Variants in ALMS1 observed in about 807,000 individuals in gnomAD.
ALMS1 encodes centrosome-associated protein ALMS1.
A neutral mutation model predicts 352.2 loss-of-function variants in ALMS1; 271 were observed. The observed-to-expected ratio is 0.77, with a 90% CI of 0.70 to 0.85. The LOEUF (loss-of-function observed/expected upper bound fraction) is 0.85, where lower values mean the gene tolerates loss of function less well. Ranked by LOEUF, ALMS1 falls within the 40% of genes least tolerant of loss-of-function variation. ALMS1 has a pLI of 0.00. For missense variants in ALMS1, 5,445 were observed against 4,870.7 expected (o/e 1.12, Z -3.51); for synonymous variants, 1,865 against 1,761.2 (o/e 1.06, Z -1.48).
chr2:73,418,796 C>T (rs1223932823), intron 2 of ALMS1, among the ~76,000 whole-genome samples: 1 of 152,188 alleles, frequency 6.6e-6, no homozygotes, highest in Non-Finnish European at 1.5e-5. Flanking sequence ...CAAACTTCTA[C>T]TTTTGTCAGT....
At chr2:73,546,954 G>T (rs1674335280) in intron 12 of ALMS1, among the ~76,000 whole-genome samples, 1 of 152,104 alleles carries the variant, frequency 6.6e-6, no homozygotes, top group Admixed American at 6.6e-5. Context: ...CCAGGAACAA[G>T]GAAACACAAT....
chr2:73,487,850 C>T (rs901074493), intron 9 of ALMS1, among the ~76,000 whole-genome samples: 1 of 152,010 alleles, frequency 6.6e-6, no homozygotes, highest in Non-Finnish European at 1.5e-5. Flanking sequence ...GAGTGGGTAG[C>T]TCCTACCTGC....
chr2:73,460,151 C>G (rs1356932987), intron 9 of ALMS1, among the ~76,000 whole-genome samples: 1 of 152,112 alleles, frequency 6.6e-6, no homozygotes, highest in Non-Finnish European at 1.5e-5. Flanking sequence ...ATGTTTCTCC[C>G]TCAGCCCCAC....
chr2:73,394,992 A>ATATATATATATGTG (rs1553397358), intron 1 of ALMS1, among the ~76,000 whole-genome samples: 5 of 122,036 alleles, frequency 4.1e-5, no homozygotes, highest in African/African-American at 1.8e-4. Context: ...ATATATGTGT[A>ATATATATATATGTG]TATATATATG....
At chr2:73,518,088 T>C (rs1673597617) in intron 10 of ALMS1, among the ~76,000 whole-genome samples, 1 of 134,408 alleles carries the variant, frequency 7.4e-6, no homozygotes, top group African/African-American at 3.1e-5. Context: ...TACCCAGTAG[T>C]TTTTTTTTTT....
At chr2:73,399,233 T>C (rs553539175) in intron 1 of ALMS1, among the ~76,000 whole-genome samples, 2 of 152,282 alleles carry the variant, frequency 1.3e-5, no homozygotes, top group Admixed American at 6.5e-5. Context: ...ACCTTTTATT[T>C]CCTTTTCTTG....
intron 10 of ALMS1, among the ~76,000 whole-genome samples, chr2:73,492,750 A>T (rs557761416): frequency 6.6e-6 from 1 of 152,024 alleles, no homozygotes; most frequent in Non-Finnish European, 1.5e-5. Context: ...TACCTTTAAA[A>T]TTTTTTTCTT....
At chr2:73,533,180 G>C (rs886386009) in intron 11 of ALMS1, among the ~76,000 whole-genome samples, 4 of 152,220 alleles carry the variant, frequency 2.6e-5, no homozygotes, top group African/African-American at 4.8e-5. Flanking sequence ...TGCTGTCTAG[G>C]TTTGGGTATG....
chr2:73,534,773 T>C, intron 11 of ALMS1, 51 bp from the exon 12 acceptor site: 1 of 1,592,398 alleles, frequency 6.3e-7, no homozygotes, highest in Non-Finnish European at 8.6e-7. Flanking sequence ...ATTTGTTCAA[T>C]GAATTAACAA....
chr2:73,541,928 G>C lies in ALMS1; in HGVS notation c.9907+6979G>C, dbSNP rs772518331. Reference sequence around the variant, plus strand: ...GACCAGATGGATTCACAGCCGAATTGTACCAGAGGTACAAGGAGGAGCTGG... The same window carrying C: ...GACCAGATGGATTCACAGCCGAATTCTACCAGAGGTACAAGGAGGAGCTGG... On this transcript the variant is annotated intron_variant, in intron 12 of 22. Coordinates refer to ENST00000613296, the MANE Select transcript of ALMS1 (RefSeq NM_001378454.1). Among the ~76,000 whole-genome samples the C allele has an allele frequency of 5.3e-5, 8 of 152,222 alleles. No homozygotes were observed. The Middle Eastern group carries it at 0.014, about 259-fold the overall frequency.
intron 9 of ALMS1, among the ~76,000 whole-genome samples, chr2:73,465,626 A>G (rs935092265): frequency 1.3e-5 from 2 of 152,160 alleles, no homozygotes; most frequent in African/African-American, 4.8e-5. Flanking sequence ...ACAAAAGCCA[A>G]AATTGACAAA....
intron 20 of ALMS1, 126 bp downstream of exon 20, chr2:73,602,494 C>T: frequency 8.6e-7 from 1 of 1,163,788 alleles, no homozygotes; most frequent in Non-Finnish European, 1.3e-6. Flanking sequence ...CTTTTGCTTG[C>T]CAAGACTCAA....
intron 9 of ALMS1, chr2:73,457,009 C>A (rs941859985): frequency 3.3e-5 from 5 of 152,148 alleles, no homozygotes; most frequent in African/African-American, 1.2e-4. Context: ...CACAATTTCA[C>A]TTCTGATCTG....
chr2:73,394,752 T>TTGTGCAAACATCATATAGTGTACG (rs1251288277), intron 1 of ALMS1, among the ~76,000 whole-genome samples: 1 of 152,172 alleles, frequency 6.6e-6, no homozygotes, highest in East Asian at 1.9e-4. Context: ...TATTTCATTG[T>TTGTGCAAACATCATATAGTGTACG]TGTGCAAACA....
At chr2:73,388,819 G>A (rs13383032) in intron 1 of ALMS1, among the ~76,000 whole-genome samples, 263 of 151,762 alleles carry the variant, frequency 1.7e-3, no homozygotes, top group African/African-American at 5.7e-3. Context: ...TTTTAATGGC[G>A]TCTAGCTGGT....
Position 73,451,143 on chromosome 2 carries a change from T to C in ALMS1, c.4616T>C (p.Leu1539Pro), listed in dbSNP as rs368273962. 18 of 1,612,414 alleles carry C rather than the reference T, an allele frequency of 1.1e-5. No homozygotes were observed. The highest frequency in any genetic ancestry group is 1.4e-5 in the Non-Finnish European group (16 of 1,179,562). ...GGCAGTTTCTACCAACTGGCATTGC[T>C]AGGTAGTCAAATACCTGAAGAGGCT... Reference protein sequence around the residue: ...KSGSFYQLALLGSQIPEEALR... With the variant: ...KSGSFYQLALPGSQIPEEALR... The change falls in exon 8 of 23, where the codon CTA becomes CCA. Residue 1539 changes from leucine (L) to proline (P), a missense_variant. By Grantham distance (98) the Leu-to-Pro change is moderately conservative. Coordinates refer to ENST00000613296, the MANE Select transcript of ALMS1 (RefSeq NM_001378454.1).
rs573748379 is a variant in ALMS1, at chr2:73,559,112, A to G, written c.10354A>G (p.Asn3452Asp). 20 of 1,613,958 alleles carry G rather than the reference A, an allele frequency of 1.2e-5. No individual in the cohort carries two copies. In the African/African-American group the frequency reaches 2.1e-4, roughly 17 times the overall value. ...AGTTCCCGAGGAAGCCTGGCCAAAC[A>G]ATAAAGAATCCCTACAGATCAATAT... ...KTVPEEAWPNNKESLQINIEE... is the reference protein window; with the variant it reads ...KTVPEEAWPNDKESLQINIEE... Residue 3452 changes from asparagine (N) to aspartate (D), a missense_variant, in exon 15 of 23, where the codon AAT (asparagine) becomes GAT (aspartate). Coordinates refer to ENST00000613296, the MANE Select transcript of ALMS1 (RefSeq NM_001378454.1).
rs531670043 is a variant in ALMS1 at position 73,565,913 on chromosome 2, T to C, written c.10385-6349T>C. Reference sequence around the variant, plus strand: ...GACCTAAGAGAAGCCTAAGGAGACATGATAATTAAATGTAATGTGGTGTCT... The same window carrying C: ...GACCTAAGAGAAGCCTAAGGAGACACGATAATTAAATGTAATGTGGTGTCT... On this transcript the variant is annotated intron_variant, in intron 15 of 22. Transcript: ENST00000613296. 7.0e-4 allele frequency among the ~76,000 whole-genome samples: 106 copies of C among 152,192 alleles called. 1 individual carries two copies. Among genetic ancestry groups the C allele is most frequent in the South Asian group, 4.6e-3 (22 of 4,826 alleles).
At chr2:73,390,034 G>T (rs1476798410) in intron 1 of ALMS1, among the ~76,000 whole-genome samples, 1 of 152,086 alleles carries the variant, frequency 6.6e-6, no homozygotes, top group African/African-American at 2.4e-5. Flanking sequence ...ACTTCTGAGA[G>T]CCCAGAGTAT....
Sources: allele counts gnomAD v4.1 joint callset (sites outside exome capture counted in the v4.1 genomes callset), GRCh38; gene constraint gnomAD v4.1.1; transcripts MANE v1.5; gene names NCBI Gene and HGNC (gene_info 2026-07-23, HGNC 2026-07-21).